NAGK: variants seen among roughly 807,000 people sequenced by gnomAD.
The protein encoded by NAGK is N-acetyl-D-glucosamine kinase.
A neutral mutation model predicts 42.9 loss-of-function variants in NAGK; 35 were observed. The observed-to-expected ratio is 0.82, with a 90% CI of 0.62 to 1.08. The LOEUF (loss-of-function observed/expected upper bound fraction) is 1.08. Ranked by LOEUF, NAGK falls within the 50% of genes least tolerant of loss-of-function variation. The probability of loss-of-function intolerance (pLI) is 0.00; values close to 1 mark genes in which losing one functional copy is unlikely to be tolerated. For missense variants in NAGK, 446 were observed against 446.0 expected, an observed-to-expected ratio of 1.00 and a Z score of 0.00; for synonymous variants, 172 against 176.0, an observed-to-expected ratio of 0.98 and a Z score of 0.18.
At chr2:71,077,367 C>T (rs1017847424) in intron 8 of NAGK, among the ~76,000 whole-genome samples, 191 bp from the exon 9 acceptor site, 1 of 152,214 alleles carries the variant, frequency 6.6e-6, no homozygotes, top group Non-Finnish European at 1.5e-5. Flanking sequence ...TTTCCTTCCT[C>T]TTCTCTCCTT....
chr2:71,078,357 C>T lies in NAGK; in HGVS notation c.884C>T (p.Ala295Val). 1 of 1,614,238 alleles carries T rather than the reference C, an allele frequency of 6.2e-7. No homozygotes were observed. Among genetic ancestry groups the T allele is most frequent in the Non-Finnish European group, 8.5e-7 (1 of 1,180,048 alleles). The change falls in exon 10 of 10, where the codon GCT (alanine) becomes GTT (valine). Residue 295 changes from alanine (A) to valine (V), a missense_variant. By Grantham distance (64) the Ala-to-Val change is moderately conservative. Transcript: ENST00000244204. Reference protein sequence around the residue: ...LALTQGREIQAQNFFSSFTLM... With the variant: ...LALTQGREIQVQNFFSSFTLM... ...CTGACCCAGGGCAGAGAGATCCAGGCTCAGAACTTCTTCTCCAGCTTCACC... is the reference window on the plus strand; with the variant it reads ...CTGACCCAGGGCAGAGAGATCCAGGTTCAGAACTTCTTCTCCAGCTTCACC...
intron 1 of NAGK, chr2:71,069,099 G>A (rs1377190825): frequency 1.8e-5 from 18 of 1,019,634 alleles, no homozygotes; most frequent in Non-Finnish European, 1.8e-5. Flanking sequence ...TGGGGAGTGG[G>A]AGTGGGGAGA....
At chr2:71,068,540 C>T (rs952448268), upstream of NAGK, 3 of 1,471,130 alleles carry the variant, frequency 2.0e-6, no homozygotes, top group African/African-American at 3.0e-5. Flanking sequence ...GCGCCCCGCC[C>T]CGCGCATGCG....
intron 6 of NAGK, 55 bp from the exon 7 acceptor site, chr2:71,075,500 G>A (rs1018404046): frequency 7.7e-6 from 11 of 1,428,376 alleles, no homozygotes; most frequent in African/African-American, 1.4e-5. Context: ...TTGGTGGGCA[G>A]ATTGGGGATT....
At chr2:71,073,334 C>CCCCCCCCCCT in intron 5 of NAGK, 148 bp from the exon 6 acceptor site, 5 of 404,740 alleles carry the variant, frequency 1.2e-5, no homozygotes, top group Non-Finnish European at 2.0e-5. Context: ...ACCCCCCTCT[C>CCCCCCCCCCT]CCACCCCCTG....
intron 9 of NAGK, 78 bp downstream of exon 9, chr2:71,077,714 C>T (rs890407702): frequency 6.7e-7 from 1 of 1,491,136 alleles, no homozygotes; most frequent in Non-Finnish European, 9.1e-7. Context: ...AGCTTTTTGC[C>T]CCAGAGAGAA....
In NAGK at chr2:71,075,654, G is replaced by T. The variant is rs747442760; in HGVS notation, c.667+12G>T. The T allele has an allele frequency of 6.2e-7, 1 of 1,605,166 alleles. No individual in the cohort carries two copies. Among genetic ancestry groups the T allele is most frequent in the African/African-American group, 1.3e-5 (1 of 74,718 alleles). Reference sequence around the variant, plus strand: ...GAAAATTGCAGAAGGTACTGGAGGTGGGGGGTGGGTTTTATCTGGCTTTGT... The same window carrying T: ...GAAAATTGCAGAAGGTACTGGAGGTTGGGGGTGGGTTTTATCTGGCTTTGT... On this transcript the variant is annotated intron_variant, in intron 7 of 9. Transcript: ENST00000244204.
At chr2:71,068,922 G>T in intron 1 of NAGK, 1 of 1,293,538 alleles carries the variant, frequency 7.7e-7, no homozygotes, top group Non-Finnish European at 9.8e-7. Context: ...GCCACACCCC[G>T]GGTTGGGGAT....
At chr2:71,068,802 C>G in intron 1 of NAGK, 90 bp downstream of exon 1, 1 of 1,414,810 alleles carries the variant, frequency 7.1e-7, no homozygotes, top group Non-Finnish European at 9.2e-7. Context: ...TGATCCTCGG[C>G]GTCCGGGCAC....
intron 4 of NAGK, 111 bp downstream of exon 4, chr2:71,071,938 T>A: frequency 7.3e-7 from 1 of 1,375,048 alleles, no homozygotes. Context: ...GCCACTCTTA[T>A]ATTCCCCTCA....
intron 6 of NAGK, among the ~76,000 whole-genome samples, chr2:71,074,144 G>A (rs952326582): frequency 1.3e-5 from 2 of 152,192 alleles, no homozygotes; most frequent in African/African-American, 2.4e-5. Context: ...CGGAACCAGA[G>A]GTAAAAGGCG....
intron 8 of NAGK, 129 bp from the exon 9 acceptor site, chr2:71,077,429 A>T: frequency 1.3e-6 from 1 of 784,858 alleles, no homozygotes; most frequent in Non-Finnish European, 2.1e-6. Context: ...CCCTTTCCTG[A>T]GTCTGTCTAC....
At chr2:71,074,521 G>A (rs949042766) in intron 6 of NAGK, 2 of 152,228 alleles carry the variant, frequency 1.3e-5, no homozygotes, top group Admixed American at 1.3e-4. Flanking sequence ...CATTCTTACA[G>A]GGTTGTTTCA....
At chr2:71,068,598 G>A (rs772400715), upstream of NAGK, 9 of 1,523,746 alleles carry the variant, frequency 5.9e-6, no homozygotes, top group South Asian at 6.1e-5. Flanking sequence ...ACGGGAAGTG[G>A]GGCGGTGCCC....
chr2:71,070,686 G>T lies in NAGK; in HGVS notation c.115-55G>T, dbSNP rs148823405. 8.6e-4 allele frequency: 1,380 copies of T among 1,610,694 alleles called. 20 individuals carry two copies. In the African/African-American group the frequency reaches 0.017, roughly 20 times the overall value. On this transcript the variant is annotated intron_variant, in intron 2 of 9. Coordinates refer to ENST00000244204, the MANE Select transcript of NAGK (RefSeq NM_017567.6). ...TGGGACTCACAGAGCAGCCTGTGGG[G>T]GCAACATAGCTTCTGTAAGCCTTTG...
intron 1 of NAGK, chr2:71,069,534 A>G (rs1171116326): frequency 1.3e-5 from 2 of 152,238 alleles, no homozygotes; most frequent in East Asian, 3.8e-4. Flanking sequence ...ACAGACCCCA[A>G]AGTCTTTTCA....
At position 71,077,583 on chromosome 2, in the gene NAGK, TC is replaced by T; in HGVS notation, c.795del (p.Ile266SerfsTer14). On this transcript the variant is annotated frameshift_variant, in exon 9 of 10. Transcript: ENST00000244204. LOFTEE classifies it high-confidence loss of function. Reference protein sequence around the residue: ...DPVLFQGKIGLPILCVGSVWK... With the variant: ...DPVLFQGKIGXPILCVGSVWK... ...GTCTTGTTCCAGGGCAAGATTGGACTCCCCATCCTGTGCGTGGGCTCTGTGT... is the reference window on the plus strand; with the variant it reads ...GTCTTGTTCCAGGGCAAGATTGGACTCCCATCCTGTGCGTGGGCTCTGTGT... The T allele has an allele frequency of 6.2e-7, 1 of 1,609,646 alleles. No individual in the cohort carries two copies. The highest frequency in any genetic ancestry group is 1.1e-5 in the South Asian group (1 of 89,872).
rs779223061 is a variant in NAGK, at chr2:71,072,704, A to G, written c.419A>G (p.Glu140Gly). Residue 140 changes from glutamate to glycine, a missense_variant, in exon 5 of 10, where the codon GAG becomes GGG. Coordinates refer to ENST00000244204, the MANE Select transcript of NAGK (RefSeq NM_017567.6). ...AGGCTCATCAACCCTGATGGCTCCG[A>G]GAGTGGCTGCGGCGGCTGGGGCCAT... The part of the protein sequence containing the change: ...NCRLINPDGS[E>G]SGCGGWGHMM... 2.0e-5 allele frequency: 32 copies of G among 1,613,978 alleles called. No homozygotes were observed. Among genetic ancestry groups the G allele is most frequent in the Admixed American group, 5.0e-5 (3 of 60,008 alleles).
At chr2:71,073,640 G>C (rs1672111401) in intron 6 of NAGK, 46 bp downstream of exon 6, 1 of 1,454,432 alleles carries the variant, frequency 6.9e-7, no homozygotes, top group Non-Finnish European at 9.7e-7. Flanking sequence ...GGGTAGGGCA[G>C]TGAAACACTC....
Sources: allele counts gnomAD v4.1 joint callset (sites outside exome capture counted in the v4.1 genomes callset), GRCh38; gene constraint gnomAD v4.1.1; transcripts MANE v1.5; gene names NCBI Gene and HGNC (gene_info 2026-07-23, HGNC 2026-07-21).